Variants in VANGL2 observed in about 807,000 individuals in gnomAD.
The protein encoded by VANGL2 is vang-like protein 2.
In VANGL2, 14 loss-of-function variants were observed where a neutral mutation model predicts 50.2. That is an observed-to-expected ratio of 0.28 (90% CI 0.18 to 0.44). The LOEUF is 0.44. Ranked by LOEUF, VANGL2 falls within the 20% of genes least tolerant of loss-of-function variation. The pLI, the probability that VANGL2 is intolerant of heterozygous loss-of-function variation, is 1.00. For missense variants in VANGL2, 533 were observed against 701.5 expected, an observed-to-expected ratio of 0.76 and a Z score of 2.71; for synonymous variants, 295 against 297.2, an observed-to-expected ratio of 0.99 and a Z score of 0.08.
chr1:160,417,749 T>C (rs556033457), intron 3 of VANGL2, among the ~76,000 whole-genome samples: 2 of 152,334 alleles, frequency 1.3e-5, no homozygotes, highest in South Asian at 2.1e-4. Flanking sequence ...CTGTCTGCCT[T>C]ACCTTCCTGG....
chr1:160,423,425 T>A (rs1239682292), intron 6 of VANGL2, among the ~76,000 whole-genome samples: 1 of 152,244 alleles, frequency 6.6e-6, no homozygotes, highest in Non-Finnish European at 1.5e-5. Context: ...ACTAACATTT[T>A]CATTTGCATC....
chr1:160,418,057 A>G (rs1021399112), intron 3 of VANGL2, among the ~76,000 whole-genome samples: 2 of 151,946 alleles, frequency 1.3e-5, no homozygotes, highest in African/African-American at 4.8e-5. Context: ...GATTACAGGC[A>G]TGTGCCACCA....
Position 160,413,284 on chromosome 1 carries a change from G to GTT in VANGL2, c.-190-2351_-190-2350dup, listed in dbSNP as rs11401620. ...ATGATACAAAGCAAATCCATTTTAGGTTTTTTTTTTTTTTGAGACGGAGTC... is the reference window on the plus strand; with the variant it reads ...ATGATACAAAGCAAATCCATTTTAGGTTTTTTTTTTTTTTTTGAGACGGAGTC... On this transcript the variant is annotated intron_variant, in intron 1 of 7. Coordinates refer to ENST00000368061, the MANE Select transcript of VANGL2 (RefSeq NM_020335.3). 3.6e-3 allele frequency among the ~76,000 whole-genome samples: 527 copies of GTT among 145,084 alleles called. 4 individuals are homozygous for GTT. The highest frequency in any genetic ancestry group is 5.7e-3 in the Non-Finnish European group (379 of 66,244).
Position 160,424,063 on chromosome 1 carries a change from C to T in VANGL2, c.1085C>T (p.Ala362Val), listed in dbSNP as rs1482164594. The T allele has an allele frequency of 1.6e-5, 26 of 1,613,826 alleles. No homozygotes were observed. The highest frequency in any genetic ancestry group is 2.7e-5 in the African/African-American group (2 of 74,900). The change falls in exon 7 of 8, where the codon GCG becomes GTG. Residue 362 changes from alanine to valine, a missense_variant. Physicochemically the swap from Ala to Val is moderately conservative, Grantham distance 64. Transcript: ENST00000368061. Reference protein sequence around the residue: ...VRKRRARLVVAVEEAFTHIKR... With the variant: ...VRKRRARLVVVVEEAFTHIKR... ...CTCCTGTCCCCTAGGCTTGTAGTGG[C>T]GGTGGAGGAGGCCTTCACTCACATT...
chr1:160,419,335 C>G lies in VANGL2; in HGVS notation c.526C>G (p.Pro176Ala). ...LFFRRPKASL[P>A]RVFVLRALLM... is the part of the protein sequence containing the mutation. The stretch of plus-strand genomic sequence containing the variant: ...CTTCCGCCGGCCCAAGGCCTCGCTG[C>G]CCCGCGTCTTTGTGCTGCGTGCCCT... The change falls in exon 4 of 8, where the codon CCC becomes GCC. Residue 176 changes from proline to alanine, a missense_variant. Coordinates refer to ENST00000368061, the MANE Select transcript of VANGL2 (RefSeq NM_020335.3). This position sits in a 1 kb window ranked among gnomAD's most constrained non-coding sequence, Gnocchi z 5.8. 2 of 1,610,538 alleles carry G rather than the reference C, an allele frequency of 1.2e-6. No homozygotes were observed. The highest frequency in any genetic ancestry group is 1.7e-6 in the Non-Finnish European group (2 of 1,180,018).
chr1:160,418,318 C>T (rs921645946), intron 3 of VANGL2, among the ~76,000 whole-genome samples: 22 of 152,196 alleles, frequency 1.4e-4, no homozygotes, highest in African/African-American at 5.3e-4. Flanking sequence ...TGAGGTTCCG[C>T]CTTTCTAACA....
In VANGL2 at chr1:160,424,280, C is replaced by T; in HGVS notation, c.1302C>T (p.Pro434=). 6.2e-7 allele frequency: 1 copy of T among 1,614,040 alleles called. No homozygotes were observed. Among genetic ancestry groups the T allele is most frequent in the Non-Finnish European group, 8.5e-7 (1 of 1,179,908 alleles). ...TCTGCATCACGCATGACATGACGCCCAAGGTAGGCCTGCCCTGCTGCCAGC... is the reference window on the plus strand; with the variant it reads ...TCTGCATCACGCATGACATGACGCCTAAGGTAGGCCTGCCCTGCTGCCAGC... ...LEFCITHDMT[P]KAFLERYLAA... Residue 434 remains proline (P), a synonymous_variant, in exon 7 of 8, where the codon CCC becomes CCT. Coordinates refer to ENST00000368061, the MANE Select transcript of VANGL2 (RefSeq NM_020335.3).
At chr1:160,416,973 T>C (rs1651085721) in intron 3 of VANGL2, among the ~76,000 whole-genome samples, 2 of 152,156 alleles carry the variant, frequency 1.3e-5, no homozygotes, top group South Asian at 2.1e-4. Flanking sequence ...AGCAGGTCAA[T>C]ACCTGAAGGA....
Position 160,419,076 on chromosome 1 carries a change from A to G in VANGL2, c.267A>G (p.Thr89=), listed in dbSNP as rs765007791. ...SEHSISHDDL[T]RIAKDMEDSV... ...ACAGCATCTCCCATGATGACCTCAC[A>G]CGCATCGCCAAGGACATGGAGGACA... is the stretch of plus-strand genomic sequence containing the variant. Residue 89 remains threonine, a synonymous_variant, in exon 4 of 8, where the codon ACA becomes ACG. Coordinates refer to ENST00000368061, the MANE Select transcript of VANGL2 (RefSeq NM_020335.3). The surrounding 1 kb of genome is among the most constrained non-coding windows in gnomAD (Gnocchi z 5.8). 1.9e-6 allele frequency: 3 copies of G among 1,613,958 alleles called. No individual in the cohort carries two copies. Among genetic ancestry groups the G allele is most frequent in the Non-Finnish European group, 2.5e-6 (3 of 1,179,842 alleles).
At chr1:160,412,884 G>C (rs982658000) in intron 1 of VANGL2, among the ~76,000 whole-genome samples, 3 of 152,108 alleles carry the variant, frequency 2.0e-5, no homozygotes, top group African/African-American at 7.2e-5. Flanking sequence ...TATTTTTACT[G>C]TACTTTTTCT....
intron 1 of VANGL2, among the ~76,000 whole-genome samples, chr1:160,410,056 G>A (rs1426805604): frequency 1.3e-5 from 2 of 152,112 alleles, no homozygotes; most frequent in East Asian, 1.9e-4. Flanking sequence ...GCCCACAGAC[G>A]ACTCTTCAGG....
intron 1 of VANGL2, among the ~76,000 whole-genome samples, chr1:160,408,056 A>G (rs1351023069): frequency 6.6e-6 from 1 of 151,610 alleles, no homozygotes; most frequent in African/African-American, 2.4e-5. Context: ...CGGACTAGGA[A>G]TGGGTCTGGG....
At chr1:160,417,649 A>T (rs1651107527) in intron 3 of VANGL2, among the ~76,000 whole-genome samples, 1 of 151,484 alleles carries the variant, frequency 6.6e-6, no homozygotes. Context: ...GATCAGGTTT[A>T]CTCCTTCAGT....
At chr1:160,405,955 T>G in intron 1 of VANGL2, among the ~76,000 whole-genome samples, 1 of 152,192 alleles carries the variant, frequency 6.6e-6, no homozygotes, top group South Asian at 2.1e-4. Context: ...CTCCTTACAG[T>G]GAGGTTATGG....
At chr1:160,424,370 T>A in intron 7 of VANGL2, 87 bp downstream of exon 7, 1 of 1,291,182 alleles carries the variant, frequency 7.7e-7, no homozygotes. Flanking sequence ...TCTCACTACT[T>A]TCCTCACTGT....
chr1:160,416,230 T>TCCC, intron 3 of VANGL2, 48 bp downstream of exon 3: 1 of 1,612,900 alleles, frequency 6.2e-7, no homozygotes, highest in Non-Finnish European at 8.5e-7. Flanking sequence ...TTCAGACTGC[T>TCCC]CCTGAGGGGC....
chr1:160,411,001 G>C (rs1467991443), intron 1 of VANGL2, among the ~76,000 whole-genome samples: 1 of 152,038 alleles, frequency 6.6e-6, no homozygotes, highest in Non-Finnish European at 1.5e-5. Flanking sequence ...GGGCAGCAGG[G>C]ACAAAAGCCC....
At chr1:160,416,287 C>G in intron 3 of VANGL2, 105 bp downstream of exon 3, 1 of 1,584,838 alleles carries the variant, frequency 6.3e-7, no homozygotes, top group Non-Finnish European at 8.6e-7. Flanking sequence ...TGGTCTCAGA[C>G]AGCCATCAGA....
At position 160,428,630 on chromosome 1, in the gene VANGL2, T is replaced by C. The variant is rs1030979572; in HGVS notation, c.*3252T>C. On this transcript the variant is annotated 3_prime_UTR_variant, in exon 8 of 8. Transcript: ENST00000368061. ...TTCTTAAACATAGGAACTAAAACTG[T>C]ACAAATTTTTTTTATATAAAATAAA... 2.0e-5 allele frequency: 3 copies of C among 152,566 alleles called. No homozygotes were observed. Among genetic ancestry groups the C allele is most frequent in the African/African-American group, 4.8e-5 (2 of 41,442 alleles). 9.5% of individuals were successfully genotyped at this position (152,566 alleles called of 1,614,324 possible).
Sources: allele counts gnomAD v4.1 joint callset (sites outside exome capture counted in the v4.1 genomes callset), GRCh38; gene constraint gnomAD v4.1.1; non-coding constraint Gnocchi (gnomAD v3.1); transcripts MANE v1.5; gene names NCBI Gene and HGNC (gene_info 2026-07-23, HGNC 2026-07-21).